The following ZNF705A variants were observed in gnomAD, a reference collection of about 807,000 sequenced individuals.
The protein encoded by ZNF705A is zinc finger protein 705A.
In ZNF705A, 8 loss-of-function variants were observed where a neutral mutation model predicts 16.6. The observed-to-expected ratio is 0.48, with a 90% confidence interval of 0.28 to 0.87. The LOEUF (loss-of-function observed/expected upper bound fraction) is 0.87, where lower values mean the gene tolerates loss of function less well. ZNF705A is among the 40% of genes least tolerant of loss of function. The probability of loss-of-function intolerance (pLI) is 0.10; values close to 1 mark genes in which losing one functional copy is unlikely to be tolerated. For missense variants in ZNF705A, 233 were observed against 359.9 expected (o/e 0.65, Z 2.85); for synonymous variants, 73 against 117.3 (o/e 0.62, Z 2.44).
intron 1 of ZNF705A, among the ~76,000 whole-genome samples, chr12:8,165,579 T>C (rs1948393447): frequency 6.6e-6 from 1 of 151,934 alleles, no homozygotes; most frequent in Non-Finnish European, 1.5e-5. Context: ...GTTTTTACAT[T>C]GGCACATTGT....
chr12:8,163,905 G>GT (rs943246052), intron 1 of ZNF705A, among the ~76,000 whole-genome samples: 5 of 151,720 alleles, frequency 3.3e-5, no homozygotes, highest in Non-Finnish European at 5.9e-5. Flanking sequence ...CCCCCTTCTT[G>GT]TTTTTTTTAA....
intron 1 of ZNF705A, among the ~76,000 whole-genome samples, chr12:8,158,843 G>A (rs1194168814): frequency 6.6e-6 from 1 of 151,904 alleles, no homozygotes; most frequent in African/African-American, 2.4e-5. Flanking sequence ...ATAGGTTACT[G>A]GGGTACAGGG....
chr12:8,174,528 C>T, intron 2 of ZNF705A, 76 bp downstream of exon 3: 1 of 1,593,248 alleles, frequency 6.3e-7, no homozygotes, highest in Non-Finnish European at 8.5e-7. Context: ...GAACAGCTTC[C>T]CCATATCTCA....
chr12:8,173,288 C>T (rs1182201694), intron 1 of ZNF705A, among the ~76,000 whole-genome samples: 2 of 152,132 alleles, frequency 1.3e-5, no homozygotes, highest in African/African-American at 2.4e-5. Flanking sequence ...GGTAATTAAC[C>T]TTTTTGCCTT....
At chr12:8,177,620 T>C (rs1370953325) in exon 5 of ZNF705A, 3 of 1,571,090 alleles carry the variant, frequency 1.9e-6, no homozygotes, top group Non-Finnish European at 2.6e-6. Flanking sequence ...GCCATATGAA[T>C]GCCATTTATG....
At position 8,172,761 on chromosome 12, in the gene ZNF705A, A is replaced by T. The variant is rs755950040; in HGVS notation, c.12+124A>T. 8.8e-6 allele frequency: 13 copies of T among 1,475,288 alleles called. 1 individual carries two copies. In the Admixed American group the frequency reaches 2.3e-4, roughly 27 times the overall value. 91.4% of individuals were successfully genotyped at this position (1,475,288 alleles called of 1,614,324 possible). ...TCTGTTTGTTTGTTTTTATGATGTA[A>T]AATCCACCTAGCCTGGGTATTCCAA... On this transcript the variant is annotated intron_variant, in intron 1 of 4. Transcript: ENST00000359286.
chr12:8,167,481 A>G (rs993878952), intron 1 of ZNF705A, among the ~76,000 whole-genome samples: 2 of 152,084 alleles, frequency 1.3e-5, no homozygotes, highest in Non-Finnish European at 1.5e-5. Context: ...TTTTTTTCAT[A>G]TATAAGGGGA....
intron 1 of ZNF705A, among the ~76,000 whole-genome samples, chr12:8,173,150 A>G (rs1053072481): frequency 2.6e-5 from 4 of 152,256 alleles, no homozygotes; most frequent in Non-Finnish European, 4.4e-5. Context: ...ATCCAGTGTG[A>G]TAGGACTTGC....
At chr12:8,162,566 G>A (rs1948364702) in intron 1 of ZNF705A, among the ~76,000 whole-genome samples, 1 of 152,156 alleles carries the variant, frequency 6.6e-6, no homozygotes, top group Non-Finnish European at 1.5e-5. Context: ...AGCTGACCAA[G>A]TAGCCAAACA....
chr12:8,158,940 A>G (rs1948331631), intron 1 of ZNF705A, among the ~76,000 whole-genome samples: 1 of 152,038 alleles, frequency 6.6e-6, no homozygotes, highest in Admixed American at 6.6e-5. Context: ...ACTGCAACCT[A>G]TTTGTAGCCT....
chr12:8,158,766 A>C (rs1466012766), intron 1 of ZNF705A, among the ~76,000 whole-genome samples: 1 of 151,918 alleles, frequency 6.6e-6, no homozygotes, highest in African/African-American at 2.4e-5. Context: ...TCTGGATATG[A>C]TATATTTCCT....
chr12:8,171,069 TA>T (rs1401313524), upstream of ZNF705A, among the ~76,000 whole-genome samples: 1 of 152,198 alleles, frequency 6.6e-6, no homozygotes, highest in Non-Finnish European at 1.5e-5. Flanking sequence ...AATTTTGTCA[TA>T]TTTTTCAAAC....
intron 1 of ZNF705A, among the ~76,000 whole-genome samples, chr12:8,165,291 T>G (rs1948389104): frequency 7.1e-6 from 1 of 141,000 alleles, no homozygotes; most frequent in Non-Finnish European, 1.5e-5. Flanking sequence ...TTTTTTTTTT[T>G]TTTTTTTTTG....
intron 1 of ZNF705A, 143 bp from the exon 3 acceptor site, chr12:8,174,183 C>G: frequency 6.6e-7 from 1 of 1,504,504 alleles, no homozygotes; most frequent in South Asian, 1.2e-5. Context: ...CAGATACCAG[C>G]TTAGTACTGA....
At position 8,175,429 on chromosome 12, in the gene ZNF705A, A is replaced by C. The variant is rs1362709246; in HGVS notation, c.235+106A>C. ...TTATTAAATGAGTGATAATTTCTAA[A>C]ATGTAGGTTAGGCTACTGGAGCAGA... On this transcript the variant is annotated intron_variant, in intron 3 of 4. Transcript: ENST00000359286. 3.1e-6 allele frequency: 4 copies of C among 1,272,674 alleles called. No homozygotes were observed. The East Asian group carries it at 7.3e-5, about 23-fold the overall frequency. The allele number at this position is 1,272,674 out of a possible 1,614,324, so 78.8% of individuals were successfully genotyped here. A position where few individuals can be genotyped will look rare whatever the true frequency, so the allele number is the denominator to read the frequency against.
chr12:8,172,867 CT>C (rs1408917239), intron 1 of ZNF705A, among the ~76,000 whole-genome samples: 1 of 152,208 alleles, frequency 6.6e-6, no homozygotes, highest in Non-Finnish European at 1.5e-5. Flanking sequence ...GTGTCAAAGA[CT>C]CCTAAATTAT....
exon 5 of ZNF705A, chr12:8,177,263 A>T: frequency 6.2e-7 from 1 of 1,611,762 alleles, no homozygotes; most frequent in Non-Finnish European, 8.5e-7. Flanking sequence ...GATGACTCAC[A>T]CTGGAGAGAG....
intron 1 of ZNF705A, among the ~76,000 whole-genome samples, chr12:8,165,786 CTCTTCCTGCATTATTT>C (rs2120707466): frequency 6.6e-6 from 1 of 152,154 alleles, no homozygotes; most frequent in African/African-American, 2.4e-5. Context: ...ATTTGGTTTT[CTCTTCCTGCATTATTT>C]TAGAATAATG....
intron 1 of ZNF705A, among the ~76,000 whole-genome samples, chr12:8,163,041 C>T (rs1407801727): frequency 3.9e-5 from 6 of 152,304 alleles, no homozygotes; most frequent in African/African-American, 1.4e-4. Context: ...ATTCTCAAAT[C>T]CTCTTCACCA....
Sources: allele counts gnomAD v4.1 joint callset (sites outside exome capture counted in the v4.1 genomes callset), GRCh38; gene constraint gnomAD v4.1.1; transcripts MANE v1.5; gene names NCBI Gene and HGNC (gene_info 2026-07-23, HGNC 2026-07-21).